The following VPS13B variants were observed in gnomAD, a reference collection of about 807,000 sequenced individuals.
VPS13B encodes vacuolar protein sorting 13 homolog B.
A neutral mutation model predicts 426.4 loss-of-function variants in VPS13B; 285 were observed. That is an observed-to-expected ratio of 0.67 (90% CI 0.61 to 0.74). The LOEUF (loss-of-function observed/expected upper bound fraction) is 0.74. Ranked by LOEUF, VPS13B falls within the 30% of genes least tolerant of loss-of-function variation. The pLI is 0.00. For synonymous variants in VPS13B, 1,676 were observed against 1,676.4 expected (o/e 1.00, Z 0.01); for missense variants, 4,537 against 4,782.6 (o/e 0.95, Z 1.51).
intron 33 of VPS13B, among the ~76,000 whole-genome samples, chr8:99,641,440 A>G (rs1829354737): frequency 6.6e-6 from 1 of 152,212 alleles, no homozygotes; most frequent in African/African-American, 2.4e-5. Flanking sequence ...ATGATTTTGC[A>G]GACAGTTTAT....
intron 54 of VPS13B, among the ~76,000 whole-genome samples, chr8:99,846,195 C>T (rs903436047): frequency 6.6e-6 from 1 of 152,174 alleles, no homozygotes; most frequent in Admixed American, 6.5e-5. Flanking sequence ...ACACACAAAA[C>T]CATTGCCCTC....
At chr8:99,469,379 T>C (rs1819282581) in intron 24 of VPS13B, among the ~76,000 whole-genome samples, 1 of 152,004 alleles carries the variant, frequency 6.6e-6, no homozygotes, top group Middle Eastern at 3.2e-3. Context: ...TCTCGCTTTG[T>C]TGTCTGGGAT....
intron 54 of VPS13B, among the ~76,000 whole-genome samples, chr8:99,841,547 C>T (rs936579799): frequency 2.6e-5 from 4 of 152,150 alleles, no homozygotes; most frequent in Non-Finnish European, 5.9e-5. Context: ...AGTCATTAGT[C>T]CCTGTCACAT....
chr8:99,802,153 TAAA>T (rs570745937), intron 43 of VPS13B, among the ~76,000 whole-genome samples: 3 of 112,962 alleles, frequency 2.7e-5, no homozygotes, highest in Non-Finnish European at 3.9e-5. Context: ...CAGTCTCAAA[TAAA>T]AAAAAAAAAA....
At chr8:99,467,355 G>A in intron 23 of VPS13B, 59 bp from the exon 24 acceptor site, 1 of 1,504,508 alleles carries the variant, frequency 6.6e-7, no homozygotes, top group Non-Finnish European at 9.2e-7. Flanking sequence ...ACTATCAAGT[G>A]AAAATTAATT....
chr8:99,463,869 A>G (rs544259788), intron 23 of VPS13B, among the ~76,000 whole-genome samples: 1 of 151,866 alleles, frequency 6.6e-6, no homozygotes, highest in East Asian at 1.9e-4. Flanking sequence ...ATTTTTTTGT[A>G]TTTTTAGTAG....
chr8:99,393,872 AGGATACAGTCTTC>A (rs1196421407), intron 21 of VPS13B, among the ~76,000 whole-genome samples: 1 of 152,152 alleles, frequency 6.6e-6, no homozygotes, highest in Admixed American at 6.6e-5. Flanking sequence ...TTTTAATTAA[AGGATACAGTCTTC>A]TTTTTTAGAA....
At chr8:99,408,323 T>C (rs1034717966) in intron 21 of VPS13B, among the ~76,000 whole-genome samples, 2 of 152,182 alleles carry the variant, frequency 1.3e-5, no homozygotes, top group African/African-American at 4.8e-5. Flanking sequence ...TGTATATCTA[T>C]AATCATGGTA....
intron 17 of VPS13B, among the ~76,000 whole-genome samples, chr8:99,216,054 A>C (rs2132812793): frequency 6.6e-6 from 1 of 152,310 alleles, no homozygotes. Context: ...ATTAAATTGA[A>C]GTTCTTTTAG....
At chr8:99,496,376 G>A (rs1310414696) in intron 25 of VPS13B, among the ~76,000 whole-genome samples, 1 of 152,146 alleles carries the variant, frequency 6.6e-6, no homozygotes, top group East Asian at 1.9e-4. Context: ...ATTAGACTGG[G>A]CATGTTGGCT....
At chr8:99,624,392 C>G (rs138266531) in intron 33 of VPS13B, among the ~76,000 whole-genome samples, 1 of 151,956 alleles carries the variant, frequency 6.6e-6, no homozygotes, top group African/African-American at 2.4e-5. Context: ...TTTAGAAGAG[C>G]GCCAAAGTGT....
chr8:99,071,953 G>A (rs1844875169), intron 3 of VPS13B, among the ~76,000 whole-genome samples: 1 of 152,094 alleles, frequency 6.6e-6, no homozygotes, highest in Non-Finnish European at 1.5e-5. Flanking sequence ...CCAGGCCTGG[G>A]TCTGTCCCTT....
intron 39 of VPS13B, among the ~76,000 whole-genome samples, chr8:99,744,409 TG>T (rs1269454267): frequency 2.0e-5 from 3 of 152,176 alleles, no homozygotes; most frequent in African/African-American, 7.2e-5. Context: ...GAAGTCAATG[TG>T]GCGATTCCTC....
intron 39 of VPS13B, among the ~76,000 whole-genome samples, chr8:99,723,223 G>C (rs1248685635): frequency 6.6e-6 from 1 of 152,196 alleles, no homozygotes; most frequent in East Asian, 1.9e-4. Context: ...TAATAATAAT[G>C]TGATGATTGT....
intron 57 of VPS13B, among the ~76,000 whole-genome samples, chr8:99,859,755 C>A (rs751312541): frequency 7.2e-5 from 11 of 152,182 alleles, no homozygotes; most frequent in Admixed American, 1.3e-4. Context: ...AATGTTATTT[C>A]ATGTGATAAA....
intron 17 of VPS13B, among the ~76,000 whole-genome samples, chr8:99,199,624 C>T (rs1032406261): frequency 5.9e-5 from 9 of 152,010 alleles, no homozygotes; most frequent in African/African-American, 1.9e-4. Flanking sequence ...ATGGCTTTTT[C>T]TTCTATCTGG....
At chr8:99,837,784 G>C (rs770256965) in intron 54 of VPS13B, among the ~76,000 whole-genome samples, 1 of 152,148 alleles carries the variant, frequency 6.6e-6, no homozygotes, top group Admixed American at 6.5e-5. Flanking sequence ...GAAGCAAAAG[G>C]AGCTGTGTCC....
rs10538522 is a variant in VPS13B at position 99,271,195 on chromosome 8, AACTACTACT to A, written c.2516-2958_2516-2950del. ...TATTGCTGCTGCTGCTGCTACCACT[AACTACTACT>A]ACTACTACTACTACTACTACTACTA... On this transcript the variant is annotated intron_variant, in intron 17 of 61. Coordinates refer to ENST00000357162, the MANE Select transcript of VPS13B (RefSeq NM_152564.5). 8.6e-3 allele frequency among the ~76,000 whole-genome samples: 1,248 copies of A among 145,270 alleles called. 14 individuals are homozygous for A. Among genetic ancestry groups the A allele is most frequent in the African/African-American group, 0.02 (763 of 38,972 alleles).
intron 19 of VPS13B, among the ~76,000 whole-genome samples, chr8:99,318,991 A>G (rs761337313): frequency 1.3e-3 from 198 of 152,208 alleles, no homozygotes; most frequent in South Asian, 1.2e-3. Context: ...GTATTTTCTT[A>G]TGTCCCTTTA....
Sources: allele counts gnomAD v4.1 joint callset (sites outside exome capture counted in the v4.1 genomes callset), GRCh38; gene constraint gnomAD v4.1.1; transcripts MANE v1.5; gene names NCBI Gene and HGNC (gene_info 2026-07-23, HGNC 2026-07-21).